The following TBC1D32 variants were observed in gnomAD, a reference collection of about 807,000 sequenced individuals.
TBC1D32 encodes protein broad-minded.
TBC1D32 carries 151 observed loss-of-function variants against 170.3 expected under a neutral mutation model. The observed-to-expected ratio is 0.89, with a 90% CI of 0.78 to 1.01. The LOEUF (loss-of-function observed/expected upper bound fraction) is 1.01, where lower values mean the gene tolerates loss of function less well. Among genes scored for constraint, TBC1D32 ranks in the 50% least tolerant of loss-of-function variants. The pLI, the probability that TBC1D32 is intolerant of heterozygous loss-of-function variation, is 0.00. For missense variants in TBC1D32, 1,464 were observed against 1,457.1 expected, an observed-to-expected ratio of 1.00 and a Z score of -0.08; for synonymous variants, 498 against 488.0, an observed-to-expected ratio of 1.02 and a Z score of -0.27.
chr6:121,087,102 G>T (rs1006599738), intron 31 of TBC1D32, among the ~76,000 whole-genome samples: 1 of 152,148 alleles, frequency 6.6e-6, no homozygotes, highest in Non-Finnish European at 1.5e-5. Flanking sequence ...GCATGAAAAT[G>T]ATGCAGTTAA....
intron 21 of TBC1D32, among the ~76,000 whole-genome samples, chr6:121,215,377 C>A (rs1220177123): frequency 6.6e-6 from 1 of 152,198 alleles, no homozygotes; most frequent in African/African-American, 2.4e-5. Flanking sequence ...CATCATGGGG[C>A]ATGCAGGCCC....
intron 26 of TBC1D32, among the ~76,000 whole-genome samples, chr6:121,118,731 C>T (rs76472863): frequency 0.014 from 2,094 of 152,228 alleles, 47 homozygotes; most frequent in African/African-American, 0.047. Flanking sequence ...ACTCTTACTA[C>T]CCAAAGGAAT....
intron 30 of TBC1D32, among the ~76,000 whole-genome samples, chr6:121,102,521 A>G (rs1219513679): frequency 6.6e-6 from 1 of 152,180 alleles, no homozygotes; most frequent in Non-Finnish European, 1.5e-5. Context: ...GGTGCTGGGA[A>G]AACTGGCTAG....
At chr6:121,266,894 C>CA (rs1285737240) in intron 15 of TBC1D32, among the ~76,000 whole-genome samples, 4 of 151,814 alleles carry the variant, frequency 2.6e-5, no homozygotes, top group Non-Finnish European at 5.9e-5. Context: ...GAGAACAACA[C>CA]ACACCAGGGC....
intron 22 of TBC1D32, chr6:121,192,653 T>A (rs1790222192): frequency 1.3e-5 from 2 of 152,132 alleles, no homozygotes; most frequent in Admixed American, 1.3e-4. Context: ...ACTGTTAAAG[T>A]GAGGTCATTG....
At chr6:121,104,199 A>G (rs909745527) in intron 30 of TBC1D32, among the ~76,000 whole-genome samples, 6 of 151,932 alleles carry the variant, frequency 3.9e-5, no homozygotes, top group South Asian at 4.1e-4. Flanking sequence ...GATTCCCTAT[A>G]GGATAAATCT....
At position 121,080,580 on chromosome 6, in the gene TBC1D32, A is replaced by G; in HGVS notation, c.*191T>C. ...AGATCTGATTCTATAATAACCTTAC[A>G]AAACAACAAATTTACAAAAATGAAT... On this transcript the variant is annotated 3_prime_UTR_variant, in exon 32 of 32. Transcript: ENST00000398212. 1.4e-6 allele frequency: 1 copy of G among 696,918 alleles called. No homozygotes were observed. Among genetic ancestry groups the G allele is most frequent in the South Asian group, 2.7e-5 (1 of 36,720 alleles). The allele number at this position is 696,918 out of a possible 1,614,324, so 43.2% of individuals were successfully genotyped here. A position where few individuals can be genotyped will look rare whatever the true frequency, so the allele number is the denominator to read the frequency against.
chr6:121,298,703 C>A (rs4610600), intron 10 of TBC1D32, among the ~76,000 whole-genome samples: 123,046 of 151,960 alleles, frequency 0.81, 52,631 homozygotes, highest in Non-Finnish European at 0.94. Context: ...CTCAAACACA[C>A]AACAATTATT....
chr6:121,330,683 C>T (rs1248717955), intron 1 of TBC1D32, among the ~76,000 whole-genome samples: 1 of 152,134 alleles, frequency 6.6e-6, no homozygotes, highest in African/African-American at 2.4e-5. Context: ...CAGCCTCTAC[C>T]ACTTCCCTCT....
intron 15 of TBC1D32, among the ~76,000 whole-genome samples, chr6:121,276,867 T>C (rs1459902032): frequency 1.3e-5 from 2 of 152,168 alleles, no homozygotes; most frequent in Non-Finnish European, 2.9e-5. Flanking sequence ...TAACAATCCT[T>C]AATGTGTATG....
intron 17 of TBC1D32, among the ~76,000 whole-genome samples, chr6:121,246,321 A>G (rs920435002): frequency 6.6e-6 from 1 of 152,190 alleles, no homozygotes; most frequent in African/African-American, 2.4e-5. Context: ...AAGCACGAAG[A>G]ATTAAATTAG....
intron 11 of TBC1D32, among the ~76,000 whole-genome samples, chr6:121,292,752 T>C (rs1805061366): frequency 6.6e-6 from 1 of 152,196 alleles, no homozygotes; most frequent in South Asian, 2.1e-4. Context: ...AGGGCGCATA[T>C]GTATTTGCAT....
rs547969603 is a variant in TBC1D32, at chr6:121,264,834, G to A, written c.1734-8549C>T. Among the ~76,000 whole-genome samples, 5 of 152,264 alleles carry A rather than the reference G, an allele frequency of 3.3e-5. No homozygotes were observed. In the East Asian group the frequency reaches 9.7e-4, roughly 29 times the overall value. On this transcript the variant is annotated intron_variant, in intron 15 of 31. Coordinates refer to ENST00000398212, the MANE Select transcript of TBC1D32 (RefSeq NM_152730.6). ...AAAAATCATGATTACCTCAATAGAT[G>A]CAGAAAAGACCTTCGATAAAATTCA... is the stretch of plus-strand genomic sequence containing the variant.
At chr6:121,082,966 C>T (rs9401367) in intron 31 of TBC1D32, among the ~76,000 whole-genome samples, 26,792 of 151,868 alleles carry the variant, frequency 0.18, 3,329 homozygotes, top group East Asian at 0.61. Context: ...GCAATTTTAG[C>T]TCTGAATAAA....
chr6:121,120,747 G>A (rs1168427877), intron 26 of TBC1D32, among the ~76,000 whole-genome samples: 1 of 151,898 alleles, frequency 6.6e-6, no homozygotes, highest in Admixed American at 6.6e-5. Flanking sequence ...ATGACACAAG[G>A]TATATCAAGT....
intron 15 of TBC1D32, among the ~76,000 whole-genome samples, chr6:121,273,473 C>G (rs370603926): frequency 2.0e-5 from 3 of 149,934 alleles, no homozygotes; most frequent in East Asian, 4.0e-4. Flanking sequence ...GGGAACATCA[C>G]ACACCGGGGC....
intron 22 of TBC1D32, among the ~76,000 whole-genome samples, chr6:121,190,599 G>A (rs1329648084): frequency 6.6e-6 from 1 of 152,034 alleles, no homozygotes; most frequent in Non-Finnish European, 1.5e-5. Flanking sequence ...TAAGATGAGG[G>A]ACTAGCCTTT....
rs1563308177 is a variant in TBC1D32 at position 121,301,003 on chromosome 6, T to TGC, written c.1081-1499_1081-1498insGC. 4.9e-3 allele frequency among the ~76,000 whole-genome samples: 749 copies of TGC among 152,210 alleles called. 4 individuals carry two copies. Among genetic ancestry groups the TGC allele is most frequent in the African/African-American group, 0.017 (725 of 41,532 alleles). ...AACCACAATGAGATACCATCTCACA[T>TGC]CAGTTAGAATGGTGATCATTAAAAG... On this transcript the variant is annotated intron_variant, in intron 9 of 31. Transcript: ENST00000398212.
intron 22 of TBC1D32, among the ~76,000 whole-genome samples, chr6:121,190,497 T>C (rs561740752): frequency 4.6e-4 from 69 of 151,158 alleles, no homozygotes; most frequent in African/African-American, 1.7e-3. Flanking sequence ...ACTATCATCT[T>C]CCCGCCTCTA....
Sources: allele counts gnomAD v4.1 joint callset (sites outside exome capture counted in the v4.1 genomes callset), GRCh38; gene constraint gnomAD v4.1.1; transcripts MANE v1.5; gene names NCBI Gene and HGNC (gene_info 2026-07-23, HGNC 2026-07-21).